Variants in MCC observed in about 807,000 individuals in gnomAD.
MCC encodes the protein colorectal mutant cancer protein.
A neutral mutation model predicts 116.2 loss-of-function variants in MCC; 90 were observed. The ratio of observed to expected loss-of-function variants is 0.77; its 90% confidence interval spans 0.65 to 0.92. MCC has a LOEUF of 0.92. Among genes scored for constraint, MCC ranks in the 40% least tolerant of loss-of-function variants. The pLI is 0.00. For missense variants in MCC, 1,516 were observed against 1,312.2 expected (o/e 1.16, Z -2.40); for synonymous variants, 578 against 510.5 (o/e 1.13, Z -1.78).
intron 3 of MCC, among the ~76,000 whole-genome samples, chr5:113,278,708 T>A (rs1161411884): frequency 6.6e-6 from 1 of 152,170 alleles, no homozygotes; most frequent in African/African-American, 2.4e-5. Context: ...GGATAGAATG[T>A]GAGCGACGTG....
intron 1 of MCC, among the ~76,000 whole-genome samples, chr5:113,464,807 G>A (rs1580410546): frequency 6.7e-6 from 1 of 150,044 alleles, no homozygotes. Context: ...AAAAAAAAAG[G>A]CTAAAAAAGC....
chr5:113,324,559 T>C (rs1767503158), intron 3 of MCC, among the ~76,000 whole-genome samples: 1 of 152,170 alleles, frequency 6.6e-6, no homozygotes, highest in East Asian at 1.9e-4. Context: ...TTTAAAGACT[T>C]TTCCTTCTCT....
intron 8 of MCC, among the ~76,000 whole-genome samples, chr5:113,101,121 T>C (rs1581060078): frequency 6.6e-6 from 1 of 152,156 alleles, no homozygotes; most frequent in East Asian, 1.9e-4. Context: ...ATACTCAAAC[T>C]AGGTCAGGCC....
intron 6 of MCC, among the ~76,000 whole-genome samples, chr5:113,114,373 G>A (rs962819097): frequency 1.1e-4 from 16 of 152,204 alleles, no homozygotes; most frequent in African/African-American, 3.4e-4. Flanking sequence ...GAGCTCTCCT[G>A]TAAGTGTGTC....
At chr5:113,284,849 T>C (rs966262741) in intron 3 of MCC, among the ~76,000 whole-genome samples, 5 of 152,228 alleles carry the variant, frequency 3.3e-5, no homozygotes, top group African/African-American at 1.2e-4. Flanking sequence ...TAAATTGATA[T>C]TAAAGTTCAT....
intron 3 of MCC, among the ~76,000 whole-genome samples, chr5:113,239,552 C>A (rs1394373210): frequency 6.6e-6 from 1 of 152,052 alleles, no homozygotes; most frequent in Admixed American, 6.6e-5. Flanking sequence ...TTTCTGGGAC[C>A]ATGATGCCAG....
chr5:113,151,297 C>T lies in MCC; in HGVS notation c.741+12G>A, dbSNP rs768351111. The T allele has an allele frequency of 4.9e-5, 76 of 1,544,694 alleles. 1 individual carries two copies. In the South Asian group the frequency reaches 8.4e-4, roughly 17 times the overall value. ...AACAAAAGCAAACTAAAAACCTTTC[C>T]AGATCCCTTACCTGTGCCTTGGCCA... On this transcript the variant is annotated intron_variant, in intron 4 of 18. Coordinates refer to ENST00000408903, the MANE Select transcript of MCC (RefSeq NM_001085377.2).
chr5:113,112,214 T>A (rs1757140113), intron 6 of MCC, among the ~76,000 whole-genome samples: 1 of 152,196 alleles, frequency 6.6e-6, no homozygotes, highest in African/African-American at 2.4e-5. Flanking sequence ...AAGCCTTCCA[T>A]GCTGGGTCTT....
At chr5:113,047,868 G>A (rs1457882249) in intron 16 of MCC, among the ~76,000 whole-genome samples, 1 of 150,196 alleles carries the variant, frequency 6.7e-6, no homozygotes, top group Non-Finnish European at 1.5e-5. Context: ...GCTGATAAAA[G>A]AGTGAGTTTG....
At chr5:113,271,818 T>A (rs1352207155) in intron 3 of MCC, among the ~76,000 whole-genome samples, 3 of 152,156 alleles carry the variant, frequency 2.0e-5, no homozygotes, top group Non-Finnish European at 4.4e-5. Flanking sequence ...GTCCATGATG[T>A]TATGAAGCAG....
At chr5:113,424,117 CA>C (rs1770418116) in intron 1 of MCC, among the ~76,000 whole-genome samples, 1 of 141,262 alleles carries the variant, frequency 7.1e-6, no homozygotes, top group Admixed American at 7.4e-5. Context: ...TCCCACTGGT[CA>C]AAAAGTCATC....
rs186807764 is a variant in MCC, at chr5:113,174,407, T to C, written c.628-22985A>G. On this transcript the variant is annotated intron_variant, in intron 3 of 18. Transcript: ENST00000408903. Reference sequence around the variant, plus strand: ...GAGCACCTCTTTTGATCTAATGATTTACTAGTTTTAAGATATATTTACAAA... The same window carrying C: ...GAGCACCTCTTTTGATCTAATGATTCACTAGTTTTAAGATATATTTACAAA... Among the ~76,000 whole-genome samples the C allele has an allele frequency of 6.6e-5, 10 of 152,258 alleles. No individual in the cohort carries two copies. The East Asian group carries it at 1.9e-3, about 29-fold the overall frequency.
intron 3 of MCC, among the ~76,000 whole-genome samples, chr5:113,231,985 T>A (rs945282029): frequency 1.3e-5 from 2 of 152,102 alleles, no homozygotes; most frequent in Admixed American, 6.6e-5. Flanking sequence ...TAATTTTGAA[T>A]CTAAACAACC....
chr5:113,260,298 T>C (rs1200528993), intron 3 of MCC, among the ~76,000 whole-genome samples: 1 of 152,200 alleles, frequency 6.6e-6, no homozygotes, highest in Non-Finnish European at 1.5e-5. Context: ...TAGATACTTT[T>C]TATGTATTTT....
chr5:113,177,427 T>A (rs182016139), intron 3 of MCC, among the ~76,000 whole-genome samples: 1 of 152,220 alleles, frequency 6.6e-6, no homozygotes, highest in Non-Finnish European at 1.5e-5. Context: ...AATGACACAA[T>A]GTGGACTTTC....
At chr5:113,345,157 T>C (rs1429573662) in intron 2 of MCC, among the ~76,000 whole-genome samples, 1 of 152,152 alleles carries the variant, frequency 6.6e-6, no homozygotes, top group Non-Finnish European at 1.5e-5. Context: ...TGGTGGCCAC[T>C]GAGAGAGGCT....
intron 1 of MCC, among the ~76,000 whole-genome samples, chr5:113,485,732 TC>T (rs759745285): frequency 6.6e-6 from 1 of 152,106 alleles, no homozygotes; most frequent in South Asian, 2.1e-4. Flanking sequence ...ATAGCCTACC[TC>T]CAGATTTCTA....
At chr5:113,186,178 A>G (rs1761886855) in intron 3 of MCC, among the ~76,000 whole-genome samples, 2 of 151,112 alleles carry the variant, frequency 1.3e-5, no homozygotes, top group South Asian at 2.1e-4. Context: ...AGGTGATCTG[A>G]CCATATCTAC....
intron 3 of MCC, among the ~76,000 whole-genome samples, chr5:113,170,379 G>T (rs1318637574): frequency 6.6e-6 from 1 of 152,070 alleles, no homozygotes; most frequent in African/African-American, 2.4e-5. Flanking sequence ...TACCTCCTTA[G>T]GCAAGAAGGG....
Sources: allele counts gnomAD v4.1 joint callset (sites outside exome capture counted in the v4.1 genomes callset), GRCh38; gene constraint gnomAD v4.1.1; transcripts MANE v1.5; gene names NCBI Gene and HGNC (gene_info 2026-07-23, HGNC 2026-07-21).